HADHB: variants seen among roughly 807,000 people sequenced by gnomAD.
HADHB encodes hydroxyacyl-CoA dehydrogenase trifunctional multienzyme complex subunit beta.
In HADHB, 50 loss-of-function variants were observed where a neutral mutation model predicts 61.9. The ratio of observed to expected loss-of-function variants is 0.81; its 90% CI spans 0.64 to 1.02. HADHB has a LOEUF of 1.02. HADHB is among the 50% of genes least tolerant of loss of function. The probability of loss-of-function intolerance (pLI) is 0.00; values close to 1 mark genes in which losing one functional copy is unlikely to be tolerated. For synonymous variants in HADHB, 191 were observed against 201.6 expected, an observed-to-expected ratio of 0.95 and a Z score of 0.45; for missense variants, 504 against 586.5, an observed-to-expected ratio of 0.86 and a Z score of 1.45.
At position 26,285,534 on chromosome 2, in the gene HADHB, A is replaced by G. The variant is rs1262363422; in HGVS notation, c.1352A>G (p.Gln451Arg). 1 of 1,614,020 alleles carries G rather than the reference A, an allele frequency of 6.2e-7. No homozygotes were observed. Among genetic ancestry groups the G allele is most frequent in the Non-Finnish European group, 8.5e-7 (1 of 1,179,996 alleles). ...AACAGATTACGGAAAGAAGGAGGCC[A>G]GTATGGCTTAGTGGCTGCGTGTGCA... is the stretch of plus-strand genomic sequence containing the variant. ...AANRLRKEGG[Q>R]YGLVAACAAG... The change falls in exon 15 of 16, where the codon CAG becomes CGG. Residue 451 changes from glutamine (Q) to arginine (R), a missense_variant. Transcript: ENST00000317799.
intron 6 of HADHB, 132 bp downstream of exon 6, chr2:26,273,882 G>C: frequency 1.5e-6 from 1 of 678,812 alleles, no homozygotes; most frequent in Non-Finnish European, 2.7e-6. Flanking sequence ...TGATTTTACA[G>C]CTTGGGTAAT....
intron 15 of HADHB, among the ~76,000 whole-genome samples, chr2:26,285,929 A>G (rs1673017102): frequency 6.6e-6 from 1 of 151,162 alleles, no homozygotes; most frequent in African/African-American, 2.4e-5. Context: ...GTAGAGACAG[A>G]GTTTCGCCAT....
chr2:26,273,388 T>C (rs748481831), intron 5 of HADHB, among the ~76,000 whole-genome samples: 25 of 152,214 alleles, frequency 1.6e-4, no homozygotes, highest in Non-Finnish European at 3.4e-4. Context: ...GTTTCTTATC[T>C]ATTTTATTCT....
rs148085406 is a variant in HADHB, at chr2:26,272,424, C to T, written c.255-1227C>T. Among the ~76,000 whole-genome samples, 389 of 150,460 alleles carry T rather than the reference C, an allele frequency of 2.6e-3. 3 individuals carry two copies. Among genetic ancestry groups the T allele is most frequent in the African/African-American group, 9.2e-3 (375 of 40,884 alleles). ...GCAGTGGCACGATCTCGGCTCACTG[C>T]AGCCTCCGCCTCCCAGGTTCAAGCA... On this transcript the variant is annotated intron_variant, in intron 5 of 15. Coordinates refer to ENST00000317799, the MANE Select transcript of HADHB (RefSeq NM_000183.3).
intron 15 of HADHB, among the ~76,000 whole-genome samples, 188 bp downstream of exon 15, chr2:26,285,759 A>ATTTT (rs1673009834): frequency 1.4e-4 from 1 of 6,988 alleles, no homozygotes; most frequent in African/African-American, 7.0e-4. Flanking sequence ...TTTTTTTTTG[A>ATTTT]GACAGTCTTG....
At chr2:26,253,077 G>C (rs1041143053) in intron 1 of HADHB, among the ~76,000 whole-genome samples, 1 of 151,986 alleles carries the variant, frequency 6.6e-6, no homozygotes, top group African/African-American at 2.4e-5. Context: ...ATATACTTAA[G>C]AACCATTTGT....
At position 26,279,065 on chromosome 2, in the gene HADHB, A is replaced by G. The variant is rs188681987; in HGVS notation, c.631-70A>G. ...AGATTTTAACTTTTCCAAATAACAC[A>G]GAACAATCCTAGGTGTTAGCATAAC... is the stretch of plus-strand genomic sequence containing the variant. On this transcript the variant is annotated intron_variant, in intron 8 of 15. Coordinates refer to ENST00000317799, the MANE Select transcript of HADHB (RefSeq NM_000183.3). 1.6e-5 allele frequency: 20 copies of G among 1,260,520 alleles called. No homozygotes were observed. The African/African-American group carries it at 2.3e-4, about 15-fold the overall frequency. The allele number at this position is 1,260,520 out of a possible 1,614,324, so 78.1% of individuals were successfully genotyped here.
chr2:26,260,186 A>G (rs1671804124), intron 3 of HADHB, among the ~76,000 whole-genome samples: 1 of 147,798 alleles, frequency 6.8e-6, no homozygotes, highest in Non-Finnish European at 1.5e-5. Context: ...TGTTCAAGCC[A>G]TTCTCCTGCC....
At position 26,263,677 on chromosome 2, in the gene HADHB, A is replaced by G. The variant is rs1299937369; in HGVS notation, c.209+198A>G. Among the ~76,000 whole-genome samples the G allele has an allele frequency of 2.6e-5, 4 of 152,238 alleles. 1 individual carries two copies. Among genetic ancestry groups the G allele is most frequent in the Middle Eastern group, 3.2e-3 (1 of 316 alleles). ...CATTTGTTTTTTATCCTTCTCATGAATAAGTCTAGCGTAGTTTTACTTGAA... is the reference window on the plus strand; with the variant it reads ...CATTTGTTTTTTATCCTTCTCATGAGTAAGTCTAGCGTAGTTTTACTTGAA... On this transcript the variant is annotated intron_variant, in intron 4 of 15. Coordinates refer to ENST00000317799, the MANE Select transcript of HADHB (RefSeq NM_000183.3).
rs1320829836 is a variant in HADHB at position 26,290,452 on chromosome 2, G to C, written c.*499G>C. ...ATATGGTGGTCAGCGTTAATAAAGT[G>C]GAGAAATATTGGAGAACTGTTTACC... On this transcript the variant is annotated 3_prime_UTR_variant, in exon 16 of 16. Transcript: ENST00000317799. 5.9e-6 allele frequency: 1 copy of C among 169,964 alleles called. No individual in the cohort carries two copies. The highest frequency in any genetic ancestry group is 1.3e-5 in the Non-Finnish European group (1 of 78,388). The allele number at this position is 169,964 out of a possible 1,614,324, so 10.5% of individuals were successfully genotyped here.
At chr2:26,275,457 A>T (rs538389997) in intron 6 of HADHB, among the ~76,000 whole-genome samples, 1 of 152,314 alleles carries the variant, frequency 6.6e-6, no homozygotes, top group African/African-American at 2.4e-5. Flanking sequence ...AAGTGTGTGG[A>T]CAAGGGTCAC....
Position 26,268,884 on chromosome 2 carries a change from C to T in HADHB, c.210-1069C>T, listed in dbSNP as rs556178377. Among the ~76,000 whole-genome samples the T allele has an allele frequency of 7.9e-5, 12 of 152,240 alleles. No homozygotes were observed. The South Asian group carries it at 1.2e-3, about 16-fold the overall frequency. On this transcript the variant is annotated intron_variant, in intron 4 of 15. Coordinates refer to ENST00000317799, the MANE Select transcript of HADHB (RefSeq NM_000183.3). ...GGGGAAGGCTGGGCGCGGTGACTCA[C>T]GTCTGTAATCCCAGCACTTTGGGAG...
intron 3 of HADHB, among the ~76,000 whole-genome samples, chr2:26,256,598 C>G (rs569809850): frequency 6.6e-6 from 1 of 151,768 alleles, no homozygotes; most frequent in Non-Finnish European, 1.5e-5. Flanking sequence ...TTATTATCTT[C>G]TTTGATTTTA....
Position 26,244,997 on chromosome 2 carries a change from CG to C in HADHB, c.-9+9del. 4.1e-6 allele frequency: 1 copy of C among 244,062 alleles called. No homozygotes were observed. The highest frequency in any genetic ancestry group is 4.9e-5 in the South Asian group (1 of 20,284). 15.1% of individuals were successfully genotyped at this position (244,062 alleles called of 1,614,324 possible). A position where few individuals can be genotyped will look rare whatever the true frequency, so the allele number is the denominator to read the frequency against. ...CTCGCGGACGTCAGCCAAGGTGAGACGGCGAGCCCTCAGCTCTCCGCCCGGG... is the reference window on the plus strand; with the variant it reads ...CTCGCGGACGTCAGCCAAGGTGAGACGCGAGCCCTCAGCTCTCCGCCCGGG... On this transcript the variant is annotated splice_region_variant and intron_variant, in intron 1 of 15. Coordinates refer to ENST00000317799, the MANE Select transcript of HADHB (RefSeq NM_000183.3).
intron 12 of HADHB, among the ~76,000 whole-genome samples, chr2:26,283,527 A>T (rs1040643378): frequency 2.0e-5 from 3 of 152,104 alleles, no homozygotes; most frequent in Admixed American, 6.6e-5. Flanking sequence ...CCATCTCAAA[A>T]AAATAAATAA....
chr2:26,266,871 CAAAAAAAAA>C (rs56401595), intron 4 of HADHB, among the ~76,000 whole-genome samples: 11 of 45,428 alleles, frequency 2.4e-4, no homozygotes, highest in African/African-American at 6.9e-4. Flanking sequence ...CACTCTCTCT[CAAAAAAAAA>C]AAAAAAAAAA....
rs3839049 is a variant in HADHB, at chr2:26,254,257, G to GACT, written c.5_7dup (p.Thr2dup). The GACT allele has an allele frequency of 0.88, 1,171,192 of 1,336,426 alleles. 529,579 individuals are homozygous for GACT. Among genetic ancestry groups the GACT allele is most frequent in the Middle Eastern group, 0.93 (4,103 of 4,434 alleles). The allele number at this position is 1,336,426 out of a possible 1,614,324, so 82.8% of individuals were successfully genotyped here. A position where few individuals can be genotyped will look rare whatever the true frequency, so the allele number is the denominator to read the frequency against. On this transcript the variant is annotated inframe_insertion, in exon 2 of 16. Transcript: ENST00000317799. The stretch of plus-strand genomic sequence containing the variant: ...TTCTTCTCTTTTTAGATTCCAGAAT[G>GACT]ACTATCTTGACTTACCCCTTTAAAA...
chr2:26,274,041 G>A (rs79619052), intron 6 of HADHB, among the ~76,000 whole-genome samples: 1,629 of 152,306 alleles, frequency 0.011, 14 homozygotes, highest in Non-Finnish European at 0.015. Flanking sequence ...GATCAGCAAA[G>A]TGTGGCTGAT....
At chr2:26,246,217 T>C (rs932705148) in intron 1 of HADHB, among the ~76,000 whole-genome samples, 8 of 152,240 alleles carry the variant, frequency 5.3e-5, no homozygotes, top group Non-Finnish European at 8.8e-5. Flanking sequence ...CGTGTAACAC[T>C]TATTATTTAG....
Sources: gnomAD v4.1 joint callset for allele counts (sites outside exome capture counted in the v4.1 genomes callset) on GRCh38, gnomAD v4.1.1 for gene constraint, MANE v1.5 for transcripts, NCBI Gene and HGNC (gene_info 2026-07-23, HGNC 2026-07-21) for gene names.